GNG4: variants seen among roughly 807,000 people sequenced by gnomAD.
GNG4 encodes the protein G protein subunit gamma 4, also known as guanine nucleotide-binding protein G(I)/G(S)/G(O) subunit gamma-4.
A neutral mutation model predicts 5.8 loss-of-function variants in GNG4; 4 were observed. The ratio of observed to expected loss-of-function variants is 0.69; its 90% CI spans 0.34 to 1.57. The LOEUF (loss-of-function observed/expected upper bound fraction) is 1.57. GNG4 is among the 40% of genes most tolerant of loss of function. The pLI is 0.06. For synonymous variants in GNG4, 29 were observed against 32.9 expected, an observed-to-expected ratio of 0.88 and a Z score of 0.41; for missense variants, 96 against 95.1, an observed-to-expected ratio of 1.01 and a Z score of -0.04.
At position 235,583,805 on chromosome 1, in the gene GNG4, T is replaced by C; in HGVS notation, c.34A>G (p.Ser12Gly). 1 of 1,613,804 alleles carries C rather than the reference T, an allele frequency of 6.2e-7. No homozygotes were observed. The highest frequency in any genetic ancestry group is 8.5e-7 in the Non-Finnish European group (1 of 1,179,696). Residue 12 changes from serine to glycine, a missense_variant, in exon 3 of 4, where the codon AGC (serine) becomes GGC (glycine). Ser to Gly is a moderately conservative substitution (Grantham distance 56, BLOSUM62 0). Transcript: ENST00000391854. ...KEGMSNNSTT[S>G]ISQARKAVEQ... is the part of the protein sequence containing the mutation. Reference sequence around the variant, plus strand: ...ACAGCTTTCCTGGCTTGGGAGATGCTAGTGGTGCTGTTATTAGACATGCCC... The same window carrying C: ...ACAGCTTTCCTGGCTTGGGAGATGCCAGTGGTGCTGTTATTAGACATGCCC...
Position 235,550,344 on chromosome 1 carries a change from G to A in GNG4, c.*1765C>T, listed in dbSNP as rs1572601604. 1.3e-5 allele frequency: 2 copies of A among 152,206 alleles called. No homozygotes were observed. Among genetic ancestry groups the A allele is most frequent in the East Asian group, 3.8e-4 (2 of 5,200 alleles). 9.4% of individuals were successfully genotyped at this position (152,206 alleles called of 1,614,324 possible). ...ACGGTGTGCAGTTATGATAGTTTGT[G>A]GGTCTCCCTACCTGCAAACAGGTAG... On this transcript the variant is annotated 3_prime_UTR_variant, in exon 4 of 4. Coordinates refer to ENST00000391854, the MANE Select transcript of GNG4 (RefSeq NM_001098722.2).
At chr1:235,647,353 C>G (rs572374074) in intron 1 of GNG4, among the ~76,000 whole-genome samples, 21 of 151,526 alleles carry the variant, frequency 1.4e-4, no homozygotes, top group Admixed American at 1.3e-3. Flanking sequence ...CAAAATTCCA[C>G]GAAGAAAGGG....
intron 3 of GNG4, among the ~76,000 whole-genome samples, chr1:235,573,646 G>C (rs754874651): frequency 6.6e-6 from 1 of 151,914 alleles, no homozygotes; most frequent in Non-Finnish European, 1.5e-5. Context: ...GTGTGGTGGC[G>C]GGCGCCTGTA....
In GNG4 at chr1:235,649,431, C is replaced by T. The variant is rs1657601237; in HGVS notation, c.-123+231G>A. On this transcript the variant is annotated intron_variant, in intron 1 of 3. Coordinates refer to ENST00000391854, the MANE Select transcript of GNG4 (RefSeq NM_001098722.2). This position sits in a 1 kb window ranked among gnomAD's most constrained non-coding sequence, Gnocchi z 5.7. ...GCGCTCCGAGGGGGCTGTCCACACC[C>T]GCGCGCGGGCTTCCCCGGGGCCCGG... Among the ~76,000 whole-genome samples, 1 of 152,112 alleles carries T rather than the reference C, an allele frequency of 6.6e-6. No homozygotes were observed. Among genetic ancestry groups the T allele is most frequent in the Admixed American group, 6.5e-5 (1 of 15,282 alleles).
chr1:235,562,473 C>G (rs545292009), intron 3 of GNG4, among the ~76,000 whole-genome samples: 2 of 151,404 alleles, frequency 1.3e-5, no homozygotes, highest in African/African-American at 4.9e-5. Context: ...ATGGCGAAAC[C>G]CCATCTCTAC....
intron 2 of GNG4, among the ~76,000 whole-genome samples, chr1:235,593,644 T>C (rs535779757): frequency 2.4e-4 from 36 of 152,274 alleles, no homozygotes; most frequent in Admixed American, 4.6e-4. Context: ...CTGCTGATGT[T>C]CGGATATGTT....
intron 1 of GNG4, among the ~76,000 whole-genome samples, chr1:235,640,890 A>C (rs1314375800): frequency 6.6e-6 from 1 of 152,216 alleles, no homozygotes; most frequent in African/African-American, 2.4e-5. Context: ...AGCACCCACA[A>C]AACAGCCAGG....
At chr1:235,634,305 T>C (rs1472452162) in intron 1 of GNG4, among the ~76,000 whole-genome samples, 1 of 152,190 alleles carries the variant, frequency 6.6e-6, no homozygotes, top group Non-Finnish European at 1.5e-5. Flanking sequence ...CATGGAAATA[T>C]GTTGCAAGAA....
chr1:235,591,750 G>A (rs1267249268), intron 2 of GNG4, among the ~76,000 whole-genome samples: 1 of 152,238 alleles, frequency 6.6e-6, no homozygotes, highest in Non-Finnish European at 1.5e-5. Flanking sequence ...TGAGGCAAGG[G>A]GGAAAAGGGA....
At position 235,579,512 on chromosome 1, in the gene GNG4, G is replaced by A. The variant is rs544831347; in HGVS notation, c.99+4228C>T. Among the ~76,000 whole-genome samples the A allele has an allele frequency of 4.6e-5, 7 of 152,130 alleles. No homozygotes were observed. In the South Asian group the frequency reaches 1.4e-3, roughly 31 times the overall value. ...TCCTGTGCACTGCTGGTGATGACGT[G>A]ACGTGATGAAGCCCCTGTGTAAGCA... is the stretch of plus-strand genomic sequence containing the variant. On this transcript the variant is annotated intron_variant, in intron 3 of 3. Coordinates refer to ENST00000391854, the MANE Select transcript of GNG4 (RefSeq NM_001098722.2).
intron 1 of GNG4, among the ~76,000 whole-genome samples, chr1:235,616,944 C>T (rs1445626048): frequency 4.1e-5 from 5 of 120,510 alleles, no homozygotes; most frequent in African/African-American, 1.2e-4. Flanking sequence ...GATGGGTTTT[C>T]GCCATGCTGG....
rs529123674 is a variant in GNG4 at position 235,572,645 on chromosome 1, G to A, written c.99+11095C>T. Among the ~76,000 whole-genome samples the A allele has an allele frequency of 1.1e-4, 16 of 151,928 alleles. No homozygotes were observed. The South Asian group carries it at 3.3e-3, about 32-fold the overall frequency. ...GCCCCCTGAGAAGCTGGGACTACAGGTGCGCCACCATGCCCAGCTAATTTT... is the reference window on the plus strand; with the variant it reads ...GCCCCCTGAGAAGCTGGGACTACAGATGCGCCACCATGCCCAGCTAATTTT... On this transcript the variant is annotated intron_variant, in intron 3 of 3. Transcript: ENST00000391854.
rs1246686539 is a variant in GNG4 at position 235,620,091 on chromosome 1, TG to T, written c.-122-24581del. ...TAAAACTTTCGTTGGAGGTTGGGCG[TG>T]GTGGCTCACGCCTGTAATCCCAGCG... On this transcript the variant is annotated intron_variant, in intron 1 of 3. Coordinates refer to ENST00000391854, the MANE Select transcript of GNG4 (RefSeq NM_001098722.2). 3.3e-5 allele frequency among the ~76,000 whole-genome samples: 5 copies of T among 152,326 alleles called. No individual in the cohort carries two copies. In the East Asian group the frequency reaches 5.8e-4, roughly 18 times the overall value.
chr1:235,603,063 T>G (rs538320467), intron 1 of GNG4, among the ~76,000 whole-genome samples: 1 of 152,042 alleles, frequency 6.6e-6, no homozygotes, highest in Non-Finnish European at 1.5e-5. Flanking sequence ...GCCAACATAG[T>G]GAAACCCTGT....
chr1:235,642,245 G>C lies in GNG4; in HGVS notation c.-123+7417C>G, dbSNP rs958483015. On this transcript the variant is annotated intron_variant, in intron 1 of 3. Coordinates refer to ENST00000391854, the MANE Select transcript of GNG4 (RefSeq NM_001098722.2). The surrounding 1 kb of genome is among the most constrained non-coding windows in gnomAD (Gnocchi z 4.3). ...TTGGCCCCGCTCCCGTGCAGGTGTC[G>C]CGGGTAAGCTGCCGCGGTTACTGTG... 6.6e-6 allele frequency among the ~76,000 whole-genome samples: 1 copy of C among 152,254 alleles called. No individual in the cohort carries two copies. The highest frequency in any genetic ancestry group is 1.5e-5 in the Non-Finnish European group (1 of 68,052).
At chr1:235,616,697 C>T (rs773487693) in intron 1 of GNG4, among the ~76,000 whole-genome samples, 10 of 151,736 alleles carry the variant, frequency 6.6e-5, no homozygotes, top group Non-Finnish European at 1.3e-4. Flanking sequence ...ATTACCCTCG[C>T]CTCTTTCCCT....
At chr1:235,647,884 C>T (rs1657551821) in intron 1 of GNG4, among the ~76,000 whole-genome samples, 1 of 152,208 alleles carries the variant, frequency 6.6e-6, no homozygotes, top group African/African-American at 2.4e-5. Context: ...GATCTGCCTG[C>T]CTCGGCCTCT....
chr1:235,573,418 T>C (rs1188133991), intron 3 of GNG4, among the ~76,000 whole-genome samples: 1 of 151,772 alleles, frequency 6.6e-6, no homozygotes, highest in Non-Finnish European at 1.5e-5. Context: ...GGCACACGTA[T>C]ACATATGTAA....
chr1:235,561,079 G>A (rs1284939056), intron 3 of GNG4, among the ~76,000 whole-genome samples: 1 of 152,100 alleles, frequency 6.6e-6, no homozygotes, highest in African/African-American at 2.4e-5. Flanking sequence ...GCGCCATCTC[G>A]GCTCACTGCA....
Sources: allele counts gnomAD v4.1 joint callset (sites outside exome capture counted in the v4.1 genomes callset), GRCh38; gene constraint gnomAD v4.1.1; non-coding constraint Gnocchi (gnomAD v3.1); transcripts MANE v1.5; gene names NCBI Gene and HGNC (gene_info 2026-07-23, HGNC 2026-07-21).